The following KIF13B variants were observed in gnomAD, a reference collection of about 807,000 sequenced individuals.
The protein encoded by KIF13B is kinesin-like protein KIF13B.
A neutral mutation model predicts 222.0 loss-of-function variants in KIF13B; 127 were observed. The ratio of observed to expected loss-of-function variants is 0.57; its 90% CI spans 0.50 to 0.66. The LOEUF is 0.66. KIF13B is among the 30% of genes least tolerant of loss of function. The pLI, the probability that KIF13B is intolerant of heterozygous loss-of-function variation, is 0.00. For missense variants in KIF13B, 2,173 were observed against 2,379.0 expected (o/e 0.91, Z 1.80); for synonymous variants, 976 against 919.0 (o/e 1.06, Z -1.12).
chr8:29,099,837 C>T (rs1022859478), intron 35 of KIF13B, among the ~76,000 whole-genome samples: 1 of 152,218 alleles, frequency 6.6e-6, no homozygotes, highest in African/African-American at 2.4e-5. Context: ...TTGCCTCCCA[C>T]AGAATACAGA....
At chr8:29,193,978 T>C (rs1479313577) in intron 3 of KIF13B, among the ~76,000 whole-genome samples, 3 of 141,078 alleles carry the variant, frequency 2.1e-5, no homozygotes, top group South Asian at 2.2e-4. Flanking sequence ...CTACCACGCC[T>C]GGCTTTTTTT....
At chr8:29,088,000 G>A (rs564791606) in intron 37 of KIF13B, among the ~76,000 whole-genome samples, 3 of 152,240 alleles carry the variant, frequency 2.0e-5, no homozygotes, top group Admixed American at 2.0e-4. Flanking sequence ...GGGCGCAGTG[G>A]TTCACGCCTG....
intron 36 of KIF13B, among the ~76,000 whole-genome samples, chr8:29,098,033 T>C (rs1808613898): frequency 6.6e-6 from 1 of 151,674 alleles, no homozygotes; most frequent in African/African-American, 2.4e-5. Context: ...TAGCTTGGCA[T>C]GGTGGCACGT....
At chr8:29,129,750 C>T (rs1810266358) in intron 24 of KIF13B, among the ~76,000 whole-genome samples, 1 of 152,186 alleles carries the variant, frequency 6.6e-6, no homozygotes, top group African/African-American at 2.4e-5. Context: ...GGTTAAGTGG[C>T]CACTCCCATA....
chr8:29,099,096 T>A, intron 36 of KIF13B, 37 bp downstream of exon 36: 1 of 1,465,808 alleles, frequency 6.8e-7, no homozygotes, highest in Non-Finnish European at 9.6e-7. Flanking sequence ...GATGCTCAGA[T>A]TTCTGACAGT....
chr8:29,238,901 G>A (rs1815633626), intron 2 of KIF13B, among the ~76,000 whole-genome samples: 1 of 152,164 alleles, frequency 6.6e-6, no homozygotes, highest in Non-Finnish European at 1.5e-5. Context: ...AGCCAGGCAT[G>A]GTGGTACATG....
At chr8:29,123,889 G>T in intron 27 of KIF13B, 135 bp downstream of exon 27, 1 of 638,014 alleles carries the variant, frequency 1.6e-6, no homozygotes. Context: ...TAAACAAAGA[G>T]TAACACTCAT....
chr8:29,075,461 G>A (rs1338316658), intron 37 of KIF13B, 118 bp from the exon 38 acceptor site: 2 of 862,344 alleles, frequency 2.3e-6, no homozygotes, highest in Non-Finnish European at 3.5e-6. Flanking sequence ...CCCATCAGGT[G>A]TGCGAGTGTG....
chr8:29,155,294 A>G (rs969418340), intron 14 of KIF13B, among the ~76,000 whole-genome samples: 4 of 152,212 alleles, frequency 2.6e-5, no homozygotes, highest in Non-Finnish European at 4.4e-5. Flanking sequence ...CAGTGCATTC[A>G]GACCAAACAG....
At chr8:29,126,024 T>C (rs1268654010) in intron 26 of KIF13B, among the ~76,000 whole-genome samples, 5 of 151,830 alleles carry the variant, frequency 3.3e-5, no homozygotes, top group Non-Finnish European at 7.4e-5. Context: ...AGGAGGGAAG[T>C]TGCAGTGAGC....
At chr8:29,235,758 G>A (rs962661094) in intron 2 of KIF13B, among the ~76,000 whole-genome samples, 3 of 152,212 alleles carry the variant, frequency 2.0e-5, no homozygotes, top group Non-Finnish European at 4.4e-5. Flanking sequence ...CTCTAGATTT[G>A]AAAGAGATTA....
intron 29 of KIF13B, among the ~76,000 whole-genome samples, chr8:29,119,211 A>G (rs2129700210): frequency 6.6e-6 from 1 of 152,362 alleles, no homozygotes; most frequent in Admixed American, 6.5e-5. Context: ...TGCTACACTT[A>G]TGCCTTATTT....
chr8:29,181,498 C>G (rs1812710993), intron 7 of KIF13B, among the ~76,000 whole-genome samples: 1 of 152,142 alleles, frequency 6.6e-6, no homozygotes, highest in African/African-American at 2.4e-5. Flanking sequence ...CTACCTGACA[C>G]ACATCATCAA....
chr8:29,085,627 C>T (rs540321354), intron 37 of KIF13B, among the ~76,000 whole-genome samples: 97 of 150,682 alleles, frequency 6.4e-4, no homozygotes, highest in African/African-American at 2.0e-3. Flanking sequence ...CTGCCTTGGC[C>T]TCCCAAAGTG....
In KIF13B at chr8:29,150,211, G is replaced by C. The variant is rs548315266; in HGVS notation, c.1622+86C>G. ...CACACACAATAACATAATTGTTGTAGAGAAAGGTTTACTTTTTAACATGTA... is the reference window on the plus strand; with the variant it reads ...CACACACAATAACATAATTGTTGTACAGAAAGGTTTACTTTTTAACATGTA... On this transcript the variant is annotated intron_variant, in intron 15 of 39. Coordinates refer to ENST00000524189, the MANE Select transcript of KIF13B (RefSeq NM_015254.4). 340 of 720,380 alleles carry C rather than the reference G, an allele frequency of 4.7e-4. 2 individuals carry two copies. The African/African-American group carries it at 5.4e-3, about 11-fold the overall frequency. The allele number at this position is 720,380 out of a possible 1,614,324, so 44.6% of individuals were successfully genotyped here. A position where few individuals can be genotyped will look rare whatever the true frequency, so the allele number is the denominator to read the frequency against.
Position 29,155,795 on chromosome 8 carries a change from A to G in KIF13B, c.1466T>C (p.Leu489Pro). Reference protein sequence around the residue: ...QDIQLCGMGILPEHCIIDITS... With the variant: ...QDIQLCGMGIPPEHCIIDITS... ...GATGTCTATAATACAGTGTTCAGGA[A>G]GAATTCCCATGCCGCACAGTTGGAT... The change falls in exon 14 of 40, where the codon CTT becomes CCT. Residue 489 changes from leucine to proline, a missense_variant. Physicochemically the swap from Leu to Pro is moderately conservative, Grantham distance 98 (BLOSUM62 -3). Transcript: ENST00000524189. The G allele has an allele frequency of 6.3e-7, 1 of 1,597,978 alleles. No individual in the cohort carries two copies. The highest frequency in any genetic ancestry group is 8.5e-7 in the Non-Finnish European group (1 of 1,171,232).
Position 29,071,764 on chromosome 8 carries a change from C to T in KIF13B, c.5074G>A (p.Glu1692Lys), listed in dbSNP as rs1335406484. The T allele has an allele frequency of 1.3e-6, 2 of 1,549,242 alleles. No individual in the cohort carries two copies. The highest frequency in any genetic ancestry group is 1.7e-6 in the Non-Finnish European group (2 of 1,146,628). Residue 1692 changes from glutamate to lysine, a missense_variant, in exon 39 of 40, where the codon GAG becomes AAG. Physicochemically the swap from Glu to Lys is moderately conservative, Grantham distance 56. Transcript: ENST00000524189. The surrounding 1 kb of genome is among the most constrained non-coding windows in gnomAD (Gnocchi z 4.9). Reference sequence around the variant, plus strand: ...CACTCCGGGACCTCGTCAGCTTCCTCGGAATCAGAGGCCAGGGCCTGTCCC... The same window carrying T: ...CACTCCGGGACCTCGTCAGCTTCCTTGGAATCAGAGGCCAGGGCCTGTCCC... ...AGGQALASDS[E>K]EADEVPEWLR...
chr8:29,167,343 T>G, intron 11 of KIF13B, 30 bp downstream of exon 11: 1 of 1,557,906 alleles, frequency 6.4e-7, no homozygotes, highest in Non-Finnish European at 8.8e-7. Context: ...CTTCCTGGAC[T>G]CACAGGGCGC....
intron 15 of KIF13B, among the ~76,000 whole-genome samples, chr8:29,149,670 C>T (rs1432086875): frequency 2.0e-5 from 3 of 152,152 alleles, no homozygotes; most frequent in Non-Finnish European, 2.9e-5. Flanking sequence ...AGCTATGGTT[C>T]TCCTTTTTCT....
Sources: gnomAD v4.1 joint callset for allele counts (sites outside exome capture counted in the v4.1 genomes callset) on GRCh38, gnomAD v4.1.1 for gene constraint, Gnocchi (gnomAD v3.1) non-coding constraint, MANE v1.5 for transcripts, NCBI Gene and HGNC (gene_info 2026-07-23, HGNC 2026-07-21) for gene names.